The following TWF2 variants were observed in gnomAD, a reference collection of about 807,000 sequenced individuals.
TWF2 encodes the protein twinfilin-2.
Under a neutral mutation model 45.1 loss-of-function variants are expected in TWF2, and 15 were observed. That is an observed-to-expected ratio of 0.33 (90% CI 0.22 to 0.51). The LOEUF is 0.51. Ranked by LOEUF, TWF2 falls within the 20% of genes least tolerant of loss-of-function variation. The pLI is 0.97. For missense variants in TWF2, 423 were observed against 469.1 expected (o/e 0.90, Z 0.91); for synonymous variants, 177 against 195.8 (o/e 0.90, Z 0.80).
intron 2 of TWF2, 70 bp downstream of exon 2, chr3:52,234,959 C>T: frequency 6.4e-7 from 1 of 1,565,894 alleles, no homozygotes; most frequent in South Asian, 1.1e-5. Flanking sequence ...CCAACATCCT[C>T]CTTCCCCCAC....
chr3:52,231,438 G>A lies in TWF2; in HGVS notation c.378+6C>T, dbSNP rs750578671. 6.8e-6 allele frequency: 11 copies of A among 1,613,396 alleles called. No individual in the cohort carries two copies. The highest frequency in any genetic ancestry group is 1.7e-6 in the Non-Finnish European group (2 of 1,179,668). On this transcript the variant is annotated splice_donor_region_variant and intron_variant, in intron 4 of 8. Transcript: ENST00000305533. The stretch of plus-strand genomic sequence containing the variant: ...TGTGTCCCGGTAAGTCCTGGCTTAG[G>A]ATTACCTTCACAGTCCCGAAGAGCT...
rs1238457593 is a variant in TWF2 at position 52,231,180 on chromosome 3, G to A, written c.430C>T (p.Pro144Ser). Residue 144 changes from proline to serine, a missense_variant, in exon 5 of 9, where the codon CCT becomes TCT. By Grantham distance (74) the Pro-to-Ser change is moderately conservative. Transcript: ENST00000305533. The part of the protein sequence containing the change: ...YQKHLSSCAA[P>S]APLTSAEREL... Reference sequence around the variant, plus strand: ...CTCTCAGCCGAGGTCAGCGGGGCAGGTGCCGCACAGGACGACAGGTGTTTC... The same window carrying A: ...CTCTCAGCCGAGGTCAGCGGGGCAGATGCCGCACAGGACGACAGGTGTTTC... 1.2e-6 allele frequency: 2 copies of A among 1,614,080 alleles called. No homozygotes were observed. Among genetic ancestry groups the A allele is most frequent in the Non-Finnish European group, 1.7e-6 (2 of 1,179,974 alleles).
chr3:52,231,105 G>T, intron 5 of TWF2, 22 bp downstream of exon 5: 1 of 1,613,874 alleles, frequency 6.2e-7, no homozygotes, highest in Non-Finnish European at 8.5e-7. Context: ...GCTCAAGGCT[G>T]GGGCCTCTGC....
At chr3:52,234,850 T>C (rs353547) in intron 2 of TWF2, among the ~76,000 whole-genome samples, 179 bp downstream of exon 2, 97,258 of 152,126 alleles carry the variant, frequency 0.64, 31,430 homozygotes, top group African/African-American at 0.73. Flanking sequence ...AGGTGACAAT[T>C]GCGCCCACCT....
At chr3:52,235,707 G>C (rs139251623) in intron 1 of TWF2, among the ~76,000 whole-genome samples, 51 of 152,310 alleles carry the variant, frequency 3.3e-4, no homozygotes, top group African/African-American at 1.1e-3. Flanking sequence ...AACACACACA[G>C]AGATATAGTC....
intron 1 of TWF2, among the ~76,000 whole-genome samples, chr3:52,236,251 A>C (rs1297102047): frequency 6.6e-6 from 1 of 150,690 alleles, no homozygotes; most frequent in African/African-American, 2.4e-5. Context: ...CAGTGAGCTG[A>C]GATCACACCA....
intron 4 of TWF2, 40 bp from the exon 5 acceptor site, chr3:52,231,271 C>A (rs1413443298): frequency 6.2e-7 from 1 of 1,610,380 alleles, no homozygotes; most frequent in Non-Finnish European, 8.5e-7. Context: ...TAAATGGGCA[C>A]CTGGGGATTG....
intron 2 of TWF2, among the ~76,000 whole-genome samples, chr3:52,233,302 G>T (rs1016100593): frequency 6.6e-6 from 1 of 152,238 alleles, no homozygotes; most frequent in Non-Finnish European, 1.5e-5. Flanking sequence ...GCCCTCTGAG[G>T]CCTCGGCCTC....
At position 52,239,153 on chromosome 3, in the gene TWF2, G is replaced by T; in HGVS notation, c.-137C>A. The T allele has an allele frequency of 8.4e-7, 1 of 1,196,492 alleles. No individual in the cohort carries two copies. Among genetic ancestry groups the T allele is most frequent in the Non-Finnish European group, 1.1e-6 (1 of 943,332 alleles). 74.1% of individuals were successfully genotyped at this position (1,196,492 alleles called of 1,614,324 possible). ...GCGCAGCTTCCCGGGCGGTGCCGCA[G>T]GACCCGCCCCCAGCGGCGCCCCGCC... On this transcript the variant is annotated 5_prime_UTR_variant, in exon 1 of 9. It adds an upstream start codon to the 5' untranslated region. Transcript: ENST00000305533.
intron 1 of TWF2, 25 bp downstream of exon 1, chr3:52,238,967 C>G (rs377295976): frequency 6.3e-7 from 1 of 1,590,512 alleles, no homozygotes; most frequent in Admixed American, 1.7e-5. Flanking sequence ...CCGAGGCCCC[C>G]TGCCCGCCCG....
intron 1 of TWF2, 122 bp from the exon 2 acceptor site, chr3:52,235,228 C>G: frequency 1.1e-6 from 1 of 931,662 alleles, no homozygotes; most frequent in Non-Finnish European, 1.6e-6. Context: ...TACAGCCCCC[C>G]ATGTGACTGG....
chr3:52,230,956 G>A lies in TWF2; in HGVS notation c.523C>T (p.Leu175=). ...EISVESKHQT[L]QGLAFPLQPE... is the part of the protein sequence containing the mutation. Reference sequence around the variant, plus strand: ...TGCAGGGGGAAGGCGAGGCCCTGCAGGGTCTGGTGCTTGCTTTCCACACTG... The same window carrying A: ...TGCAGGGGGAAGGCGAGGCCCTGCAAGGTCTGGTGCTTGCTTTCCACACTG... Residue 175 remains leucine (L), a synonymous_variant, in exon 6 of 9, where the codon CTG becomes TTG. Coordinates refer to ENST00000305533, the MANE Select transcript of TWF2 (RefSeq NM_007284.4). The A allele has an allele frequency of 6.2e-7, 1 of 1,604,266 alleles. No homozygotes were observed. Among genetic ancestry groups the A allele is most frequent in the Non-Finnish European group, 8.5e-7 (1 of 1,175,566 alleles).
chr3:52,238,213 T>G (rs1041882869), intron 1 of TWF2, among the ~76,000 whole-genome samples: 15 of 152,212 alleles, frequency 9.9e-5, no homozygotes, highest in African/African-American at 3.4e-4. Flanking sequence ...CTTCTCTGTC[T>G]GCAGCCTGGA....
chr3:52,231,794 T>A, intron 3 of TWF2, 150 bp downstream of exon 3: 2 of 1,193,136 alleles, frequency 1.7e-6, no homozygotes, highest in Non-Finnish European at 2.3e-6. Context: ...GACTTGACCC[T>A]CTCTCAGACT....
At chr3:52,235,178 T>C in intron 1 of TWF2, 72 bp from the exon 2 acceptor site, 2 of 1,485,132 alleles carry the variant, frequency 1.3e-6, no homozygotes, top group Non-Finnish European at 1.9e-6. Flanking sequence ...GCCTGCTCTG[T>C]CCCACAGGGT....
Position 52,239,040 on chromosome 3 carries a change from C to T in TWF2, c.-24G>A. ...ATGGCTCGGCGCTTCGCTCCGTCCG[C>T]GCCGTCGGAGCCCTCCGCTTGACCC... On this transcript the variant is annotated 5_prime_UTR_variant, in exon 1 of 9. Coordinates refer to ENST00000305533, the MANE Select transcript of TWF2 (RefSeq NM_007284.4). The T allele has an allele frequency of 6.3e-7, 1 of 1,593,656 alleles. No individual in the cohort carries two copies. The highest frequency in any genetic ancestry group is 8.5e-7 in the Non-Finnish European group (1 of 1,177,368).
chr3:52,229,146 T>C lies in TWF2; in HGVS notation c.938A>G (p.His313Arg). ...LTAEFLYDEV[H>R]PKQHAFKQAF... is the part of the protein sequence containing the mutation. Reference sequence around the variant, plus strand: ...CTGCTTGAAGGCGTGTTGCTTGGGGTGCACCTCGTCGTAGAGGAACTCTGC... The same window carrying C: ...CTGCTTGAAGGCGTGTTGCTTGGGGCGCACCTCGTCGTAGAGGAACTCTGC... Residue 313 changes from histidine (H) to arginine (R), a missense_variant, in exon 9 of 9, where the codon CAC becomes CGC. Physicochemically the swap from His to Arg is conservative, Grantham distance 29. Transcript: ENST00000305533. The C allele has an allele frequency of 6.2e-7, 1 of 1,613,460 alleles. No individual in the cohort carries two copies. The highest frequency in any genetic ancestry group is 8.5e-7 in the Non-Finnish European group (1 of 1,180,008).
chr3:52,230,937 G>C lies in TWF2; in HGVS notation c.542C>G (p.Pro181Arg), dbSNP rs1216912495. The change falls in exon 6 of 9, where the codon CCC (proline) becomes CGC (arginine). Residue 181 changes from proline to arginine, a missense_variant. Physicochemically the swap from Pro to Arg is moderately radical, Grantham distance 103. Transcript: ENST00000305533. ...TGCCCGCTGGGCCTCAGGCTGCAGG[G>C]GGAAGGCGAGGCCCTGCAGGGTCTG... is the stretch of plus-strand genomic sequence containing the variant. ...KHQTLQGLAF[P>R]LQPEAQRALQ... 1.2e-6 allele frequency: 2 copies of C among 1,605,396 alleles called. No homozygotes were observed. The highest frequency in any genetic ancestry group is 2.2e-5 in the East Asian group (1 of 44,560).
intron 1 of TWF2, among the ~76,000 whole-genome samples, 178 bp downstream of exon 1, chr3:52,238,814 A>C (rs1430812682): frequency 6.6e-6 from 1 of 152,034 alleles, no homozygotes; most frequent in African/African-American, 2.4e-5. Context: ...ACTCCCAGCT[A>C]TGCACACCAC....
Sources: gnomAD v4.1 joint callset for allele counts (sites outside exome capture counted in the v4.1 genomes callset) on GRCh38, gnomAD v4.1.1 for gene constraint, MANE v1.5 for transcripts, NCBI Gene and HGNC (gene_info 2026-07-23, HGNC 2026-07-21) for gene names.